Variants in RPSA2 observed in about 807,000 individuals in gnomAD.
RPSA2 encodes small ribosomal subunit protein uS2B.
the RPSA2 span, among the ~76,000 whole-genome samples, chr19:23,760,824 TG>T: frequency 6.0e-5 from 9 of 151,154 alleles, no homozygotes; most frequent in Non-Finnish European, 1.0e-4. Flanking sequence ...GCCACCACAC[TG>T]GGCTAATTTT....
chr19:23,812,388 C>CTTTTTTTTTTTTTTTTTTT, the RPSA2 span, among the ~76,000 whole-genome samples: 261 of 114,064 alleles, frequency 2.3e-3, no homozygotes, highest in East Asian at 3.9e-3. Context: ...CTCTTTTTCT[C>CTTTTTTTTTTTTTTTTTTT]TTTTTTTTTT....
the RPSA2 span, chr19:23,818,320 C>T: frequency 6.6e-6 from 1 of 152,296 alleles, no homozygotes; most frequent in East Asian, 1.9e-4. Flanking sequence ...GTTTTAAATT[C>T]TGCAAGGGAT....
the RPSA2 span, among the ~76,000 whole-genome samples, chr19:23,829,113 T>G: frequency 1.3e-5 from 2 of 152,232 alleles, no homozygotes; most frequent in Non-Finnish European, 1.5e-5. Flanking sequence ...ATTTTGACTC[T>G]TTCTGCTCTT....
the RPSA2 span, among the ~76,000 whole-genome samples, chr19:23,844,081 A>T: frequency 6.6e-6 from 1 of 152,132 alleles, no homozygotes; most frequent in African/African-American, 2.4e-5. Flanking sequence ...TTTTGATATT[A>T]GGAATCTTAA....
At chr19:23,789,536 A>C in the RPSA2 span, among the ~76,000 whole-genome samples, 2 of 152,134 alleles carry the variant, frequency 1.3e-5, no homozygotes, top group African/African-American at 4.8e-5. Flanking sequence ...ACCTTGAACC[A>C]GGCAATAAAA....
chr19:23,761,822 G>A, the RPSA2 span, among the ~76,000 whole-genome samples: 3 of 151,522 alleles, frequency 2.0e-5, no homozygotes, highest in South Asian at 2.1e-4. Context: ...GCGTAGTCAC[G>A]GCACAATTAC....
the RPSA2 span, chr19:23,819,074 C>G: frequency 6.6e-6 from 1 of 152,102 alleles, no homozygotes; most frequent in Non-Finnish European, 1.5e-5. Context: ...GAGAAGAGGT[C>G]CTTTCCTAGA....
At chr19:23,831,155 C>T in the RPSA2 span, among the ~76,000 whole-genome samples, 4 of 152,064 alleles carry the variant, frequency 2.6e-5, no homozygotes, top group South Asian at 8.3e-4. Context: ...CAAAATATGC[C>T]ACCATTTCTT....
chr19:23,802,233 A>G, the RPSA2 span, among the ~76,000 whole-genome samples: 1 of 151,468 alleles, frequency 6.6e-6, no homozygotes, highest in South Asian at 2.1e-4. Flanking sequence ...CTAAGTGTAA[A>G]CAAGCATCTT....
At chr19:23,849,891 A>G in the RPSA2 span, among the ~76,000 whole-genome samples, 1 of 152,134 alleles carries the variant, frequency 6.6e-6, no homozygotes, top group Non-Finnish European at 1.5e-5. Flanking sequence ...TTTATATTGA[A>G]AGTATGGGGT....
chr19:23,763,715 C>G, the RPSA2 span, among the ~76,000 whole-genome samples: 1 of 152,168 alleles, frequency 6.6e-6, no homozygotes, highest in Non-Finnish European at 1.5e-5. Flanking sequence ...GATCCGCCAG[C>G]CTTGGCCCCC....
chr19:23,837,376 CTT>C, the RPSA2 span, among the ~76,000 whole-genome samples: 148,931 of 152,266 alleles, frequency 0.98, 72,928 homozygotes, highest in Middle Eastern at 1. Flanking sequence ...GTTTTGGTGA[CTT>C]ATAGTATACT....
At chr19:23,779,902 C>T in the RPSA2 span, among the ~76,000 whole-genome samples, 988 of 152,210 alleles carry the variant, frequency 6.5e-3, 7 homozygotes, top group African/African-American at 0.022. Flanking sequence ...GTTGAGAACC[C>T]AGATGATGTG....
chr19:23,866,912 T>C, the RPSA2 span, among the ~76,000 whole-genome samples: 148,997 of 152,322 alleles, frequency 0.98, 72,964 homozygotes, highest in Middle Eastern at 1. Context: ...GGCATCACTG[T>C]AGTCCCCAGA....
At chr19:23,836,688 G>T in the RPSA2 span, among the ~76,000 whole-genome samples, 1 of 152,110 alleles carries the variant, frequency 6.6e-6, no homozygotes, top group African/African-American at 2.4e-5. Flanking sequence ...ACAGTTTTTT[G>T]ATCTTTTGAT....
At chr19:23,790,001 ATATT>A in the RPSA2 span, among the ~76,000 whole-genome samples, 2 of 151,432 alleles carry the variant, frequency 1.3e-5, no homozygotes, top group African/African-American at 2.4e-5. Flanking sequence ...TTGTATGTAT[ATATT>A]TATTTATTTT....
At chr19:23,835,317 A>AGGTCTAAAC in the RPSA2 span, among the ~76,000 whole-genome samples, 1 of 151,830 alleles carries the variant, frequency 6.6e-6, no homozygotes, top group South Asian at 2.1e-4. Context: ...CTAAAGATAA[A>AGGTCTAAAC]CTTTAGGTCT....
chr19:23,785,118 C>T, the RPSA2 span, among the ~76,000 whole-genome samples: 1 of 152,308 alleles, frequency 6.6e-6, no homozygotes, highest in Non-Finnish European at 1.5e-5. Flanking sequence ...GACTCTGCAC[C>T]TCAAAAGAAG....
At chr19:23,761,215 G>C in the RPSA2 span, among the ~76,000 whole-genome samples, 8 of 151,898 alleles carry the variant, frequency 5.3e-5, no homozygotes, top group East Asian at 7.8e-4. Flanking sequence ...GAGTAGGTGA[G>C]ACTATAGGCA....
Sources: allele counts gnomAD v4.1 joint callset (sites outside exome capture counted in the v4.1 genomes callset), GRCh38; gene constraint gnomAD v4.1.1; transcripts MANE v1.5; gene names NCBI Gene and HGNC (gene_info 2026-07-23, HGNC 2026-07-21).